Variants in TLL1 observed in about 807,000 individuals in gnomAD.
TLL1 encodes tolloid-like protein 1.
Under a neutral mutation model 128.2 loss-of-function variants are expected in TLL1, and 49 were observed. That is an observed-to-expected ratio of 0.38 (90% CI 0.30 to 0.48). TLL1 has a LOEUF of 0.48. TLL1 is among the 20% of genes least tolerant of loss of function. The probability of loss-of-function intolerance (pLI) is 0.96; values close to 1 mark genes in which losing one functional copy is unlikely to be tolerated. For missense variants in TLL1, 1,123 were observed against 1,242.0 expected (o/e 0.90, Z 1.44); for synonymous variants, 454 against 418.8 (o/e 1.08, Z -1.03).
At chr4:165,899,217 C>T (rs1271105789) in intron 1 of TLL1, among the ~76,000 whole-genome samples, 2 of 151,992 alleles carry the variant, frequency 1.3e-5, no homozygotes, top group African/African-American at 4.8e-5. Context: ...TCTCTATTTC[C>T]TTCAGTTCTG....
intron 1 of TLL1, among the ~76,000 whole-genome samples, chr4:165,962,440 G>C (rs1735154176): frequency 6.6e-6 from 1 of 152,146 alleles, no homozygotes; most frequent in African/African-American, 2.4e-5. Flanking sequence ...GGCTGTGCTG[G>C]CAGAGAGAAT....
At chr4:166,074,565 T>C (rs1740936221) in intron 16 of TLL1, among the ~76,000 whole-genome samples, 1 of 152,054 alleles carries the variant, frequency 6.6e-6, no homozygotes, top group South Asian at 2.1e-4. Flanking sequence ...AGGGTTAATT[T>C]GAAAAAAGAT....
intron 1 of TLL1, among the ~76,000 whole-genome samples, chr4:165,950,991 A>G (rs528352217): frequency 4.6e-5 from 7 of 152,274 alleles, no homozygotes; most frequent in Admixed American, 3.9e-4. Flanking sequence ...AACAAAATCA[A>G]TAACATTGAT....
intron 1 of TLL1, among the ~76,000 whole-genome samples, chr4:165,902,355 T>TCA (rs1456011302): frequency 6.6e-6 from 1 of 152,074 alleles, no homozygotes; most frequent in Non-Finnish European, 1.5e-5. Flanking sequence ...GCTAGCTTGG[T>TCA]GTCTGCTCAA....
chr4:166,046,769 C>T (rs1739476183), intron 12 of TLL1, among the ~76,000 whole-genome samples: 2 of 152,154 alleles, frequency 1.3e-5, no homozygotes, highest in Non-Finnish European at 2.9e-5. Context: ...CGTCTTTAAA[C>T]AGAAACGCAC....
At chr4:166,041,931 A>C in intron 10 of TLL1, 96 bp from the exon 11 acceptor site, 1 of 838,728 alleles carries the variant, frequency 1.2e-6, no homozygotes, top group Non-Finnish European at 2.0e-6. Context: ...ATGTGAACCA[A>C]ATCGGTGTTT....
intron 14 of TLL1, among the ~76,000 whole-genome samples, chr4:166,058,274 C>A (rs938881099): frequency 8.5e-5 from 13 of 152,180 alleles, no homozygotes; most frequent in African/African-American, 2.6e-4. Context: ...ATTTCTCCAT[C>A]CATCCATCTG....
intron 1 of TLL1, among the ~76,000 whole-genome samples, chr4:165,982,564 C>T (rs1046882462): frequency 2.0e-5 from 3 of 151,466 alleles, no homozygotes; most frequent in Non-Finnish European, 3.0e-5. Flanking sequence ...TGATTTGTGC[C>T]AAAAGGGAAG....
At chr4:166,072,999 CTATCGGG>C (rs1560853005) in intron 16 of TLL1, among the ~76,000 whole-genome samples, 1 of 152,146 alleles carries the variant, frequency 6.6e-6, no homozygotes, top group Non-Finnish European at 1.5e-5. Context: ...GAGCTTCACT[CTATCGGG>C]TCTTATATTA....
At chr4:165,892,580 G>A (rs137887584) in intron 1 of TLL1, among the ~76,000 whole-genome samples, 338 of 152,092 alleles carry the variant, frequency 2.2e-3, no homozygotes, top group African/African-American at 7.9e-3. Flanking sequence ...ATCCCTTTAT[G>A]CCTCTTTTCT....
chr4:165,898,220 T>G (rs1731778677), intron 1 of TLL1, among the ~76,000 whole-genome samples: 1 of 152,220 alleles, frequency 6.6e-6, no homozygotes, highest in Non-Finnish European at 1.5e-5. Context: ...ATATGCTTTA[T>G]TTCTTTCTCT....
intron 18 of TLL1, 140 bp downstream of exon 18, chr4:166,078,170 C>T: frequency 7.6e-7 from 1 of 1,310,918 alleles, no homozygotes; most frequent in East Asian, 2.6e-5. Flanking sequence ...TCATGCTTTC[C>T]TACTTGCACT....
At chr4:166,098,886 G>C (rs1457738268) in intron 19 of TLL1, among the ~76,000 whole-genome samples, 3 of 152,048 alleles carry the variant, frequency 2.0e-5, no homozygotes, top group Admixed American at 2.0e-4. Context: ...GACAGTATTA[G>C]GTAGAACAAT....
In TLL1 at chr4:166,099,316, A is replaced by G. The variant is rs1335393263; in HGVS notation, c.2696A>G (p.Asp899Gly). The change falls in exon 20 of 21, where the codon GAT (aspartate) becomes GGT (glycine). Residue 899 changes from aspartate (D) to glycine (G), a missense_variant. By Grantham distance (94) the Asp-to-Gly change is moderately conservative. Around this residue, in one of 3 missense-constraint regions of TLL1, gnomAD observed 634 missense variants for 672.4 expected, o/e 0.94. Transcript: ENST00000061240. ...GRLKAESKPR[D>G]LYSHAQFGDN... is the part of the protein sequence containing the mutation. ...TTGAAAGCAGAATCAAAACCAAGAG[A>G]TCTGTACTCACATGCTCAGTTTGGT... 3.1e-6 allele frequency: 5 copies of G among 1,613,396 alleles called. No individual in the cohort carries two copies. The highest frequency in any genetic ancestry group is 4.2e-6 in the Non-Finnish European group (5 of 1,179,640).
chr4:166,043,275 G>A lies in TLL1; in HGVS notation c.1380G>A (p.Ala460=), dbSNP rs1478276075. 5 of 1,613,904 alleles carry A rather than the reference G, an allele frequency of 3.1e-6. No homozygotes were observed. Among genetic ancestry groups the A allele is most frequent in the East Asian group, 2.2e-5 (1 of 44,876 alleles). The change falls in exon 12 of 21, where the codon GCG becomes GCA. Residue 460 remains alanine (A), a splice_region_variant and synonymous_variant. Coordinates refer to ENST00000061240, the MANE Select transcript of TLL1 (RefSeq NM_012464.5). ...VGKGFAAVYE[A]ICGGEIRKNE... is the part of the protein sequence containing the mutation. ...TGTTTATTTTTTGGCTTTCTTCAGC[G>A]ATCTGTGGAGGTGAGATACGTAAAA...
At chr4:166,073,179 G>A (rs1408521188) in intron 16 of TLL1, among the ~76,000 whole-genome samples, 1 of 151,814 alleles carries the variant, frequency 6.6e-6, no homozygotes, top group African/African-American at 2.4e-5. Context: ...GTAAGGTAAA[G>A]AGCCTCTAGA....
At chr4:165,956,950 T>A (rs992105128) in intron 1 of TLL1, among the ~76,000 whole-genome samples, 1 of 151,974 alleles carries the variant, frequency 6.6e-6, no homozygotes, top group Admixed American at 6.6e-5. Context: ...AGCTTCACAA[T>A]TGCATCTACA....
chr4:165,975,346 A>G (rs1205599104), intron 1 of TLL1, among the ~76,000 whole-genome samples: 1 of 151,688 alleles, frequency 6.6e-6, no homozygotes, highest in Non-Finnish European at 1.5e-5. Flanking sequence ...ACGCCACCCA[A>G]CCCCTCTCCA....
intron 1 of TLL1, among the ~76,000 whole-genome samples, chr4:165,973,077 T>C (rs567791277): frequency 1.3e-5 from 2 of 152,118 alleles, no homozygotes; most frequent in Non-Finnish European, 2.9e-5. Context: ...TTAGTCAGGG[T>C]TCTCCAGAGG....
Sources: allele counts gnomAD v4.1 joint callset (sites outside exome capture counted in the v4.1 genomes callset), GRCh38; gene constraint gnomAD v4.1.1; regional missense constraint gnomAD v4.1.1; transcripts MANE v1.5; gene names NCBI Gene and HGNC (gene_info 2026-07-23, HGNC 2026-07-21).